Variants in NRXN1 observed in about 807,000 individuals in gnomAD.
NRXN1 encodes neurexin 1, also known as neurexin-1.
In NRXN1, 39 loss-of-function variants were observed where a neutral mutation model predicts 150.9. That is an observed-to-expected ratio of 0.26 (90% CI 0.20 to 0.34). NRXN1 has a LOEUF of 0.34. NRXN1 is among the 10% of genes least tolerant of loss of function. The probability of loss-of-function intolerance (pLI) is 1.00; values close to 1 mark genes in which losing one functional copy is unlikely to be tolerated. For synonymous variants in NRXN1, 924 were observed against 757.0 expected (o/e 1.22, Z -3.62); for missense variants, 1,815 against 1,949.9 (o/e 0.93, Z 1.30).
intron 5 of NRXN1, among the ~76,000 whole-genome samples, chr2:50,627,704 T>C (rs1305441321): frequency 6.6e-6 from 1 of 151,664 alleles, no homozygotes; most frequent in East Asian, 1.9e-4. Flanking sequence ...AGTAGATCTC[T>C]GAGTCAGCAG....
At chr2:50,410,372 A>G (rs1332892512) in intron 17 of NRXN1, among the ~76,000 whole-genome samples, 2 of 152,220 alleles carry the variant, frequency 1.3e-5, no homozygotes, top group African/African-American at 4.8e-5. Flanking sequence ...GATACTTAAC[A>G]TATCCTACCA....
At chr2:50,948,256 T>C (rs576017072) in intron 2 of NRXN1, among the ~76,000 whole-genome samples, 1 of 152,066 alleles carries the variant, frequency 6.6e-6, no homozygotes, top group East Asian at 1.9e-4. Flanking sequence ...TCATCAAACG[T>C]CCATTATATA....
At chr2:50,233,696 T>C (rs186080866) in intron 18 of NRXN1, among the ~76,000 whole-genome samples, 6 of 152,186 alleles carry the variant, frequency 3.9e-5, no homozygotes, top group Admixed American at 6.6e-5. Context: ...AAGTCTAACT[T>C]TTACAGATAA....
intron 17 of NRXN1, among the ~76,000 whole-genome samples, chr2:50,465,210 T>TA (rs2088690306): frequency 6.6e-6 from 1 of 151,758 alleles, no homozygotes; most frequent in Non-Finnish European, 1.5e-5. Flanking sequence ...CATTAGTAAT[T>TA]AAAAAATAAC....
In NRXN1 at chr2:50,661,014, T is replaced by C. The variant is rs561560929; in HGVS notation, c.833-37399A>G. 5.3e-5 allele frequency among the ~76,000 whole-genome samples: 8 copies of C among 152,168 alleles called. No individual in the cohort carries two copies. The East Asian group carries it at 1.6e-3, about 30-fold the overall frequency. Reference sequence around the variant, plus strand: ...ATGAAATTGTAAGGGAAAGGACATATCTTTCATTCTCATCTAGGTTCATGA... The same window carrying C: ...ATGAAATTGTAAGGGAAAGGACATACCTTTCATTCTCATCTAGGTTCATGA... On this transcript the variant is annotated intron_variant, in intron 5 of 22. Transcript: ENST00000401669.
At chr2:50,305,263 T>C (rs1387388805) in intron 17 of NRXN1, among the ~76,000 whole-genome samples, 1 of 152,242 alleles carries the variant, frequency 6.6e-6, no homozygotes, top group Non-Finnish European at 1.5e-5. Context: ...TTTCAACTTT[T>C]ATTTATATAA....
In NRXN1 at chr2:49,947,508, TTTTTTC is replaced by T. The variant is rs1284406732; in HGVS notation, c.4129-3723_4129-3718del. ...CTCCTTCTCCTTTTTTCTTTCTTTTTTTTTTCTTTTTTTTTTTTTTTTTGTAGAGAT... is the reference window on the plus strand; with the variant it reads ...CTCCTTCTCCTTTTTTCTTTCTTTTTTTTTTTTTTTTTTTTTTGTAGAGAT... On this transcript the variant is annotated intron_variant, in intron 21 of 22. Coordinates refer to ENST00000401669, the MANE Select transcript of NRXN1 (RefSeq NM_001330078.2). Among the ~76,000 whole-genome samples the T allele has an allele frequency of 3.4e-5, 5 of 144,958 alleles. No homozygotes were observed. The South Asian group carries it at 6.6e-4, about 19-fold the overall frequency.
At chr2:50,600,377 T>G (rs1280480630) in intron 8 of NRXN1, among the ~76,000 whole-genome samples, 1 of 144,186 alleles carries the variant, frequency 6.9e-6, no homozygotes. Flanking sequence ...CAGGCTGGAG[T>G]GCAGTGGTGC....
chr2:51,027,736 A>G lies in NRXN1; in HGVS notation c.538T>C (p.Phe180Leu), dbSNP rs1670776114. 1 of 1,611,228 alleles carries G rather than the reference A, an allele frequency of 6.2e-7. No homozygotes were observed. Among genetic ancestry groups the G allele is most frequent in the Admixed American group, 1.7e-5 (1 of 59,770 alleles). Residue 180 changes from phenylalanine (F) to leucine (L), a missense_variant, in exon 2 of 23, where the codon TTC becomes CTC. Phe to Leu is a conservative substitution (Grantham distance 22). This residue lies in a region of NRXN1 where 554 missense variants were observed against 478.8 expected (regional missense o/e 1.16). Coordinates refer to ENST00000401669, the MANE Select transcript of NRXN1 (RefSeq NM_001330078.2). The stretch of plus-strand genomic sequence containing the variant: ...CTCACGTCACGAATCCACCCCTTGA[A>G]GGGCTCCCGCTCCCTCACCGAGGCC... ...TLASVREREPFKGWIRDVRVN... is the reference protein window; with the variant it reads ...TLASVREREPLKGWIRDVRVN...
chr2:50,204,115 C>T (rs375913452), intron 18 of NRXN1, among the ~76,000 whole-genome samples: 10 of 152,126 alleles, frequency 6.6e-5, no homozygotes, highest in South Asian at 2.1e-4. Context: ...ATCAGTCTTT[C>T]GCCTTAAGTG....
intron 17 of NRXN1, among the ~76,000 whole-genome samples, chr2:50,352,753 G>GATAATAATAATAATAATAATAATATTATA (rs2078502232): frequency 1.2e-5 from 1 of 83,782 alleles, no homozygotes; most frequent in Non-Finnish European, 2.5e-5. Context: ...TAAGAGCATT[G>GATAATAATAATAATAATAATAATATTATA]ATAATAATAA....
At chr2:50,061,522 T>A (rs1237854368) in intron 19 of NRXN1, among the ~76,000 whole-genome samples, 2 of 152,170 alleles carry the variant, frequency 1.3e-5, no homozygotes, top group Non-Finnish European at 2.9e-5. Context: ...TACCTTCAAG[T>A]ATTCTAAATC....
intron 5 of NRXN1, among the ~76,000 whole-genome samples, chr2:50,665,017 T>G (rs545192928): frequency 6.6e-6 from 1 of 152,136 alleles, no homozygotes; most frequent in Admixed American, 6.6e-5. Flanking sequence ...TGTGATAAAC[T>G]AAAAGCATAA....
intron 5 of NRXN1, among the ~76,000 whole-genome samples, chr2:50,916,103 A>G (rs1685180673): frequency 6.7e-6 from 1 of 148,432 alleles, no homozygotes; most frequent in African/African-American, 2.5e-5. Flanking sequence ...TTATTGACTA[A>G]GAATAAGAAG....
chr2:51,025,308 A>G (rs1475675132), intron 2 of NRXN1, among the ~76,000 whole-genome samples: 2 of 152,202 alleles, frequency 1.3e-5, no homozygotes, highest in Admixed American at 1.3e-4. Context: ...GCATCTTGGT[A>G]ATTCCAAATT....
intron 8 of NRXN1, among the ~76,000 whole-genome samples, chr2:50,567,767 A>G (rs552150881): frequency 2.0e-4 from 31 of 152,304 alleles, no homozygotes; most frequent in Non-Finnish European, 4.0e-4. Context: ...ACTAGAATGC[A>G]CTACTAATTT....
At chr2:50,019,973 AGAG>A (rs1340219960) in intron 21 of NRXN1, among the ~76,000 whole-genome samples, 176 of 46,246 alleles carry the variant, frequency 3.8e-3, no homozygotes, top group African/African-American at 0.01. Flanking sequence ...AAAAAAAAAA[AGAG>A]AGAGAGAGAG....
intron 19 of NRXN1, among the ~76,000 whole-genome samples, chr2:50,057,970 G>A (rs1454269538): frequency 6.6e-6 from 1 of 151,742 alleles, no homozygotes; most frequent in Non-Finnish European, 1.5e-5. Context: ...GTAGGGAAAG[G>A]TTGGGGAAAA....
At chr2:50,320,372 T>G (rs1303574577) in intron 17 of NRXN1, among the ~76,000 whole-genome samples, 15 of 142,248 alleles carry the variant, frequency 1.1e-4, no homozygotes, top group Admixed American at 7.1e-4. Flanking sequence ...GGAATGGGTT[T>G]GTTTGATTAA....
Sources: allele counts gnomAD v4.1 joint callset (sites outside exome capture counted in the v4.1 genomes callset), GRCh38; gene constraint gnomAD v4.1.1; regional missense constraint gnomAD v4.1.1; transcripts MANE v1.5; gene names NCBI Gene and HGNC (gene_info 2026-07-23, HGNC 2026-07-21).